SCAI: variants seen among roughly 807,000 people sequenced by gnomAD.
The protein encoded by SCAI is protein SCAI.
Under a neutral mutation model 92.2 loss-of-function variants are expected in SCAI, and 24 were observed. The ratio of observed to expected loss-of-function variants is 0.26; its 90% confidence interval spans 0.19 to 0.37. SCAI has a LOEUF of 0.37. Among genes scored for constraint, SCAI ranks in the 10% least tolerant of loss-of-function variants. SCAI has a pLI of 1.00. For missense variants in SCAI, 450 were observed against 736.2 expected, an observed-to-expected ratio of 0.61 and a Z score of 4.50; for synonymous variants, 261 against 258.6, an observed-to-expected ratio of 1.01 and a Z score of -0.09.
chr9:125,143,346 A>AC, intron 1 of SCAI, 39 bp downstream of exon 1: 1 of 740,940 alleles, frequency 1.3e-6, no homozygotes, highest in Non-Finnish European at 1.7e-6. Flanking sequence ...CCTGGCCCCC[A>AC]CCCCATCCCC....
At chr9:125,092,530 A>C (rs1834454165) in intron 2 of SCAI, among the ~76,000 whole-genome samples, 1 of 152,092 alleles carries the variant, frequency 6.6e-6, no homozygotes. Flanking sequence ...TGTACCATCT[A>C]CTTGCTATTG....
chr9:125,046,311 A>G (rs1161764467), intron 3 of SCAI, among the ~76,000 whole-genome samples: 1 of 13,748 alleles, frequency 7.3e-5, no homozygotes, highest in Admixed American at 1.5e-3. Context: ...TATCTCATAT[A>G]TATATACACA....
At chr9:125,002,714 C>G (rs1832387933) in intron 11 of SCAI, among the ~76,000 whole-genome samples, 1 of 151,694 alleles carries the variant, frequency 6.6e-6, no homozygotes, top group Non-Finnish European at 1.5e-5. Context: ...GAACTCCCGA[C>G]CTCAGGTGAT....
chr9:125,073,285 T>A (rs989300212), intron 2 of SCAI, among the ~76,000 whole-genome samples: 7 of 150,568 alleles, frequency 4.6e-5, no homozygotes, highest in Non-Finnish European at 8.9e-5. Context: ...TTTGTATTTT[T>A]AGTAGAGACG....
In SCAI at chr9:125,028,184, T is replaced by C. The variant is rs144032820; in HGVS notation, c.413+208A>G. Among the ~76,000 whole-genome samples the C allele has an allele frequency of 4.7e-3, 720 of 152,304 alleles. 1 individual carries two copies. The highest frequency in any genetic ancestry group is 0.031 in the Middle Eastern group (9 of 294). On this transcript the variant is annotated intron_variant, in intron 5 of 17. Coordinates refer to ENST00000336505, the MANE Select transcript of SCAI (RefSeq NM_001144877.3). ...AATGAGTCTGACCAAATGAAGTGTT[T>C]GGGAGGCAAGCCTTTAAAACAAATA...
chr9:125,123,362 CA>C (rs113727130), intron 2 of SCAI, among the ~76,000 whole-genome samples: 105 of 134,486 alleles, frequency 7.8e-4, no homozygotes, highest in Admixed American at 1.3e-3. Context: ...GACTCCAACT[CA>C]AAAAAAAAAA....
At chr9:125,040,181 C>T (rs1370999655) in intron 3 of SCAI, among the ~76,000 whole-genome samples, 2 of 152,010 alleles carry the variant, frequency 1.3e-5, no homozygotes, top group Non-Finnish European at 2.9e-5. Flanking sequence ...ATAGGGAGAG[C>T]CCGTCTCTAT....
At chr9:125,127,129 A>G (rs574151234) in intron 2 of SCAI, among the ~76,000 whole-genome samples, 1 of 152,318 alleles carries the variant, frequency 6.6e-6, no homozygotes, top group East Asian at 1.9e-4. Context: ...AGCAGTGCCC[A>G]AGTCCTCAGA....
At chr9:125,028,614 C>A in intron 4 of SCAI, 136 bp from the exon 5 acceptor site, 1 of 445,898 alleles carries the variant, frequency 2.2e-6, no homozygotes, top group Non-Finnish European at 3.9e-6. Flanking sequence ...TCAATGTAGT[C>A]ATTCCATTAA....
intron 17 of SCAI, among the ~76,000 whole-genome samples, chr9:124,954,740 C>T (rs1206988501): frequency 1.3e-5 from 2 of 152,178 alleles, no homozygotes; most frequent in African/African-American, 4.8e-5. Context: ...GCTCTTTATT[C>T]TCTAGCAGAT....
In SCAI at chr9:125,055,985, T is replaced by A; in HGVS notation, c.121A>T (p.Ile41Phe). 1.2e-6 allele frequency: 2 copies of A among 1,609,360 alleles called. No homozygotes were observed. The highest frequency in any genetic ancestry group is 1.7e-6 in the Non-Finnish European group (2 of 1,177,188). ...RSRTEFALKE[I>F]MSSGGAEDDI... The stretch of plus-strand genomic sequence containing the variant: ...TCTTCAGCACCTCCAGAGGACATGA[T>A]TTCTTTAAGAGCAAATTCAGTCCTG... Residue 41 changes from isoleucine (I) to phenylalanine (F), a missense_variant, in exon 3 of 18, where the codon ATC (isoleucine) becomes TTC (phenylalanine). Ile to Phe is a conservative substitution (Grantham distance 21). Transcript: ENST00000336505.
intron 3 of SCAI, among the ~76,000 whole-genome samples, chr9:125,049,261 T>C (rs1247265333): frequency 6.6e-6 from 1 of 152,196 alleles, no homozygotes; most frequent in Non-Finnish European, 1.5e-5. Flanking sequence ...GTCAAATAAT[T>C]AGTGACTTGG....
At chr9:125,036,266 G>A (rs1267923561) in intron 3 of SCAI, among the ~76,000 whole-genome samples, 2 of 152,122 alleles carry the variant, frequency 1.3e-5, no homozygotes, top group Non-Finnish European at 2.9e-5. Flanking sequence ...AAGAGGCCTG[G>A]CACAAAGTAA....
At chr9:125,036,087 C>T (rs1413812879) in intron 3 of SCAI, among the ~76,000 whole-genome samples, 2 of 152,010 alleles carry the variant, frequency 1.3e-5, no homozygotes, top group African/African-American at 4.8e-5. Flanking sequence ...GAGGTTGAGG[C>T]TGCAATAAGC....
intron 2 of SCAI, among the ~76,000 whole-genome samples, chr9:125,061,093 C>T (rs1833759800): frequency 6.6e-6 from 1 of 151,472 alleles, no homozygotes; most frequent in African/African-American, 2.4e-5. Context: ...GTCAGGAGAT[C>T]GAGACCATCG....
At chr9:125,047,046 A>G (rs1833457747) in intron 3 of SCAI, among the ~76,000 whole-genome samples, 1 of 152,206 alleles carries the variant, frequency 6.6e-6, no homozygotes, top group South Asian at 2.1e-4. Flanking sequence ...ACCCACTGGT[A>G]ACATTTCAAT....
At chr9:125,068,673 T>G (rs1392695727) in intron 2 of SCAI, among the ~76,000 whole-genome samples, 1 of 152,076 alleles carries the variant, frequency 6.6e-6, no homozygotes, top group Non-Finnish European at 1.5e-5. Flanking sequence ...TCTCTAAAAA[T>G]TTTTTATAAA....
chr9:125,110,824 C>T (rs77673068), intron 2 of SCAI, among the ~76,000 whole-genome samples: 3,526 of 152,270 alleles, frequency 0.023, 144 homozygotes, highest in African/African-American at 0.081. Flanking sequence ...TGGTTCTGCT[C>T]CTGCCATTTA....
chr9:125,010,420 C>T (rs1486534073), intron 9 of SCAI, among the ~76,000 whole-genome samples: 5 of 152,204 alleles, frequency 3.3e-5, no homozygotes, highest in African/African-American at 7.2e-5. Context: ...CACGGAGTCT[C>T]GCTGATTGCT....
Sources: gnomAD v4.1 joint callset for allele counts (sites outside exome capture counted in the v4.1 genomes callset) on GRCh38, gnomAD v4.1.1 for gene constraint, MANE v1.5 for transcripts, NCBI Gene and HGNC (gene_info 2026-07-23, HGNC 2026-07-21) for gene names.